SPATA24: variants seen among roughly 807,000 people sequenced by gnomAD.
The protein encoded by SPATA24 is spermatogenesis-associated protein 24.
In SPATA24, 21 loss-of-function variants were observed where a neutral mutation model predicts 28.9. That is an observed-to-expected ratio of 0.73 (90% CI 0.52 to 1.05). The LOEUF (loss-of-function observed/expected upper bound fraction) is 1.05. Among genes scored for constraint, SPATA24 ranks in the 50% least tolerant of loss-of-function variants. The pLI is 0.00. For missense variants in SPATA24, 215 were observed against 242.9 expected (o/e 0.88, Z 0.76); for synonymous variants, 76 against 89.9 (o/e 0.85, Z 0.88).
intron 4 of SPATA24, chr5:139,401,491 A>C: frequency 3.2e-6 from 2 of 626,292 alleles, no homozygotes; most frequent in African/African-American, 3.6e-5. Context: ...AGGTGGACTA[A>C]GAAGGTTGTA....
chr5:139,393,974 C>T (rs753756248), downstream of SPATA24: 3 of 1,550,626 alleles, frequency 1.9e-6, no homozygotes, highest in Admixed American at 2.0e-5. Context: ...GGACTCCGTG[C>T]CCTCTGAACA....
At chr5:139,393,400 T>G, downstream of SPATA24, 1 of 1,551,626 alleles carries the variant, frequency 6.4e-7, no homozygotes, top group African/African-American at 1.4e-5. Context: ...ACTCTGCATC[T>G]CTGTTGGTTC....
chr5:139,400,947 A>C (rs999237494), intron 4 of SPATA24, among the ~76,000 whole-genome samples: 28 of 151,882 alleles, frequency 1.8e-4, no homozygotes, highest in Non-Finnish European at 1.5e-5. Context: ...ACCTGAGGTC[A>C]GGAGTTCGAG....
chr5:139,404,075 A>T lies in SPATA24; in HGVS notation c.-15T>A, dbSNP rs754725541. On this transcript the variant is annotated 5_prime_UTR_variant, in exon 1 of 6. Transcript: ENST00000450845. ...GGCGTCGCCATCTTCCGCCCCCGCC[A>T]GCTAGTTGGAAATGGCTGCCTCGGG... The T allele has an allele frequency of 6.5e-7, 1 of 1,547,710 alleles. No individual in the cohort carries two copies. Among genetic ancestry groups the T allele is most frequent in the Non-Finnish European group, 8.7e-7 (1 of 1,143,900 alleles).
downstream of SPATA24, chr5:139,395,205 C>T (rs571341862): frequency 1.8e-4 from 182 of 1,013,046 alleles, 2 homozygotes; most frequent in Middle Eastern, 1.0e-3. Context: ...CGCGTCCACT[C>T]CTGAGCCAGC....
downstream of SPATA24, chr5:139,392,875 G>A: frequency 4.5e-6 from 7 of 1,544,896 alleles, no homozygotes; most frequent in Non-Finnish European, 6.1e-6. This position sits in a 1 kb window ranked among gnomAD's most constrained non-coding sequence, Gnocchi z 5.8. Flanking sequence ...CAGGGCCCCA[G>A]GCAGGCGGAT....
downstream of SPATA24, chr5:139,393,701 A>G: frequency 6.4e-7 from 1 of 1,550,892 alleles, no homozygotes; most frequent in Non-Finnish European, 8.7e-7. Flanking sequence ...CACTGATTCC[A>G]CTGGGAAAGG....
chr5:139,393,173 G>C, downstream of SPATA24: 1 of 1,548,820 alleles, frequency 6.5e-7, no homozygotes, highest in South Asian at 1.2e-5. Flanking sequence ...GGGAAGCCTG[G>C]CGCGTACGTG....
chr5:139,401,510 G>GA (rs1758820069), intron 4 of SPATA24: 1 of 640,232 alleles, frequency 1.6e-6, no homozygotes. Flanking sequence ...TATGTTTCAG[G>GA]AAAAATGGGA....
chr5:139,394,198 G>T, downstream of SPATA24: 1 of 1,548,424 alleles, frequency 6.5e-7, no homozygotes. Flanking sequence ...CCGAGACTTA[G>T]CCTTCTCCAG....
chr5:139,396,162 C>G, downstream of SPATA24: 3 of 985,344 alleles, frequency 3.0e-6, no homozygotes, highest in Non-Finnish European at 3.6e-6. Flanking sequence ...CTGGGCTAAT[C>G]TGACCCCTGA....
chr5:139,393,240 C>G (rs939652877), downstream of SPATA24: 3 of 1,549,026 alleles, frequency 1.9e-6, no homozygotes, highest in Non-Finnish European at 2.6e-6. Flanking sequence ...GCGGGCGTCC[C>G]GAGGCCGCCT....
downstream of SPATA24, chr5:139,392,851 C>T: frequency 6.5e-7 from 1 of 1,540,866 alleles, no homozygotes; most frequent in Non-Finnish European, 8.8e-7. This position sits in a 1 kb window ranked among gnomAD's most constrained non-coding sequence, Gnocchi z 5.8. Context: ...TACCTCGGGC[C>T]GGCGACCCAA....
chr5:139,397,864 AT>A (rs1758745049), intron 4 of SPATA24, among the ~76,000 whole-genome samples: 1 of 152,048 alleles, frequency 6.6e-6, no homozygotes, highest in Non-Finnish European at 1.5e-5. Flanking sequence ...ATCCTGCTTT[AT>A]TTTTCTTAAC....
rs1207151100 is a variant in SPATA24 at position 139,399,023 on chromosome 5, C to CA, written c.386-1881dup. Among the ~76,000 whole-genome samples the CA allele has an allele frequency of 3.2e-3, 135 of 42,096 alleles. 34 individuals are homozygous for CA. The highest frequency in any genetic ancestry group is 0.042 in the Middle Eastern group (2 of 48). 27.6% of individuals were successfully genotyped at this position (42,096 alleles called of 152,430 possible). Reference sequence around the variant, plus strand: ...TGGGTGACAGAGCGAGATTCCGCTTCAAAAAAAAAAAAGGCCAGGCGTGGT... The same window carrying CA: ...TGGGTGACAGAGCGAGATTCCGCTTCAAAAAAAAAAAAAGGCCAGGCGTGGT... On this transcript the variant is annotated intron_variant, in intron 4 of 5. Coordinates refer to ENST00000450845, the MANE Select transcript of SPATA24 (RefSeq NM_194296.2).
rs1345958372 is a variant in SPATA24, at chr5:139,397,151, G to T, written c.386-8C>A. ...TAATGTGAGACTCAATCTCTGTGGG[G>T]GAGAGAGGCAGGGAGGAGGGGTGGT... On this transcript the variant is annotated splice_region_variant and splice_polypyrimidine_tract_variant and intron_variant, in intron 4 of 5. Coordinates refer to ENST00000450845, the MANE Select transcript of SPATA24 (RefSeq NM_194296.2). The T allele has an allele frequency of 1.3e-6, 2 of 1,548,706 alleles. No individual in the cohort carries two copies. The highest frequency in any genetic ancestry group is 2.4e-5 in the South Asian group (2 of 84,016).
downstream of SPATA24, chr5:139,393,609 C>T: frequency 6.4e-7 from 1 of 1,550,736 alleles, no homozygotes; most frequent in South Asian, 1.2e-5. Flanking sequence ...TGCTACGTGG[C>T]TCCACCGCAT....
chr5:139,393,167 A>G (rs1021177053), downstream of SPATA24: 2 of 1,548,474 alleles, frequency 1.3e-6, no homozygotes, highest in African/African-American at 2.7e-5. Context: ...CCTGCCGGGA[A>G]GCCTGGCGCG....
At chr5:139,395,071 G>A, downstream of SPATA24, 5 of 1,407,628 alleles carry the variant, frequency 3.6e-6, no homozygotes, top group Non-Finnish European at 4.6e-6. Context: ...CGGGGCGAGC[G>A]CGGTCAGCAT....
Sources: allele counts gnomAD v4.1 joint callset (sites outside exome capture counted in the v4.1 genomes callset), GRCh38; gene constraint gnomAD v4.1.1; non-coding constraint Gnocchi (gnomAD v3.1); transcripts MANE v1.5; gene names NCBI Gene and HGNC (gene_info 2026-07-23, HGNC 2026-07-21).